Variants in KIF21A observed in about 807,000 individuals in gnomAD.
KIF21A encodes kinesin family member 21A, also known as kinesin-like protein KIF21A.
KIF21A carries 114 observed loss-of-function variants against 202.9 expected under a neutral mutation model. The ratio of observed to expected loss-of-function variants is 0.56; its 90% CI spans 0.48 to 0.66. The LOEUF is 0.66. Ranked by LOEUF, KIF21A falls within the 30% of genes least tolerant of loss-of-function variation. The pLI is 0.00. For synonymous variants in KIF21A, 667 were observed against 670.8 expected, an observed-to-expected ratio of 0.99 and a Z score of 0.09; for missense variants, 1,677 against 1,994.9, an observed-to-expected ratio of 0.84 and a Z score of 3.04.
At chr12:39,301,364 T>A in intron 37 of KIF21A, 116 bp downstream of exon 37, 1 of 907,354 alleles carries the variant, frequency 1.1e-6, no homozygotes, top group African/African-American at 1.7e-5. Flanking sequence ...AAAACAGACA[T>A]TAGAATGATT....
intron 1 of KIF21A, among the ~76,000 whole-genome samples, chr12:39,433,287 C>T (rs1938212211): frequency 6.6e-6 from 1 of 152,060 alleles, no homozygotes; most frequent in Admixed American, 6.6e-5. Context: ...AAAATGCCTT[C>T]AGGCAAGTCT....
intron 1 of KIF21A, among the ~76,000 whole-genome samples, chr12:39,403,219 C>T (rs1039292351): frequency 1.8e-4 from 27 of 152,240 alleles, no homozygotes; most frequent in African/African-American, 6.5e-4. Flanking sequence ...ATGCAAAACA[C>T]TAGGCTAGGC....
Position 39,322,876 on chromosome 12 carries a change from T to C in KIF21A, c.3463A>G (p.Arg1155Gly), listed in dbSNP as rs1945431009. 6.2e-7 allele frequency: 1 copy of C among 1,601,644 alleles called. No individual in the cohort carries two copies. The highest frequency in any genetic ancestry group is 1.3e-5 in the African/African-American group (1 of 74,638). The part of the protein sequence containing the change: ...GEVKPKNKAR[R>G]RTTTQMELLY... ...AATTCCATCTGAGTGGTGGTTCTCC[T>C]TCGGGCCTAGTCAAAGAATGGAAGG... The change falls in exon 27 of 38, where the codon AGG (arginine) becomes GGG (glycine). Residue 1155 changes from arginine (R) to glycine (G), a missense_variant. Around this residue, in one of 3 missense-constraint regions of KIF21A, gnomAD observed 705 missense variants for 791.9 expected, o/e 0.89. Transcript: ENST00000361418.
At chr12:39,382,713 T>C (rs918423428) in intron 1 of KIF21A, among the ~76,000 whole-genome samples, 1 of 152,150 alleles carries the variant, frequency 6.6e-6, no homozygotes, top group Admixed American at 6.5e-5. Context: ...TACAAATAGA[T>C]TTTTTGTATT....
intron 1 of KIF21A, among the ~76,000 whole-genome samples, chr12:39,375,253 C>T (rs1950198682): frequency 6.6e-6 from 1 of 152,128 alleles, no homozygotes; most frequent in Admixed American, 6.5e-5. Flanking sequence ...GGGGGAAAGG[C>T]TTATACTTGC....
At chr12:39,418,814 C>G (rs1953998361) in intron 1 of KIF21A, among the ~76,000 whole-genome samples, 1 of 152,196 alleles carries the variant, frequency 6.6e-6, no homozygotes, top group African/African-American at 2.4e-5. Flanking sequence ...GTGCAGCCCC[C>G]AGAACATGTT....
At chr12:39,320,889 C>G (rs1043053833) in intron 27 of KIF21A, among the ~76,000 whole-genome samples, 2 of 118,974 alleles carry the variant, frequency 1.7e-5, no homozygotes, top group Non-Finnish European at 3.2e-5. Context: ...GAGCCAAGAT[C>G]ACATCACTGC....
Position 39,370,408 on chromosome 12 carries a change from T to C in KIF21A, c.45-147A>G, listed in dbSNP as rs186525385. ...TATTCAGTTGAAAAGTTTAAATAAATTGAATTATAATGAATCAATTTCAGT... is the reference window on the plus strand; with the variant it reads ...TATTCAGTTGAAAAGTTTAAATAAACTGAATTATAATGAATCAATTTCAGT... On this transcript the variant is annotated intron_variant, in intron 1 of 37. Transcript: ENST00000361418. The C allele has an allele frequency of 2.7e-3, 1,735 of 645,208 alleles. 9 individuals carry two copies. Among genetic ancestry groups the C allele is most frequent in the Middle Eastern group, 7.4e-3 (18 of 2,444 alleles). The allele number at this position is 645,208 out of a possible 1,614,324, so 40.0% of individuals were successfully genotyped here.
At position 39,332,384 on chromosome 12, in the gene KIF21A, G is replaced by A. The variant is rs142292357; in HGVS notation, c.2881C>T (p.Arg961Ter). 24 of 1,613,310 alleles carry A rather than the reference G, an allele frequency of 1.5e-5. No homozygotes were observed. The highest frequency in any genetic ancestry group is 1.9e-5 in the Non-Finnish European group (23 of 1,179,826). The change falls in exon 21 of 38, where the codon CGA becomes TGA. Residue 961 changes from arginine to a stop codon, truncating the protein, a stop_gained. Transcript: ENST00000361418. LOFTEE classifies it high-confidence loss of function. The part of the protein sequence containing the change: ...LKQREELTKR[R>*]EKLSKRREKI... ...TCCCTTCTTTTTGAAAGTTTCTCTC[G>A]TCTTTTTGTGAGTTCCTCCCGTTGC...
intron 1 of KIF21A, among the ~76,000 whole-genome samples, chr12:39,432,638 C>T (rs992245776): frequency 2.0e-5 from 3 of 151,202 alleles, no homozygotes; most frequent in South Asian, 2.1e-4. Context: ...TTTAACAGAG[C>T]CTGGCTCTAT....
intron 1 of KIF21A, among the ~76,000 whole-genome samples, chr12:39,389,179 T>TACATAC (rs1555186623): frequency 7.0e-6 from 1 of 142,088 alleles, no homozygotes; most frequent in Non-Finnish European, 1.6e-5. Context: ...TAAATACACA[T>TACATAC]ACACACACAC....
intron 1 of KIF21A, among the ~76,000 whole-genome samples, chr12:39,441,657 T>C (rs1434928269): frequency 1.2e-3 from 2 of 1,658 alleles, no homozygotes; most frequent in African/African-American, 5.4e-3. Flanking sequence ...CCTCCCTGGG[T>C]GGTAAAAAAA....
At chr12:39,417,191 A>G (rs1953833522) in intron 1 of KIF21A, among the ~76,000 whole-genome samples, 1 of 152,176 alleles carries the variant, frequency 6.6e-6, no homozygotes, top group Non-Finnish European at 1.5e-5. Context: ...TGTAAAATGT[A>G]TCAGAAGACA....
Position 39,340,886 on chromosome 12 carries a change from G to A in KIF21A, c.2110+20C>T. ...GAAGATTTAGCTTGAACTTTCATTT[G>A]AATTAAATATAATTCTTACCTAAGT... is the stretch of plus-strand genomic sequence containing the variant. On this transcript the variant is annotated intron_variant, in intron 15 of 37. Coordinates refer to ENST00000361418, the MANE Select transcript of KIF21A (RefSeq NM_001173464.2). 2 of 1,552,938 alleles carry A rather than the reference G, an allele frequency of 1.3e-6. No homozygotes were observed. The highest frequency in any genetic ancestry group is 1.8e-6 in the Non-Finnish European group (2 of 1,126,538).
At position 39,319,979 on chromosome 12, in the gene KIF21A, G is replaced by T; in HGVS notation, c.3706C>A (p.Pro1236Thr). 6.2e-7 allele frequency: 1 copy of T among 1,607,872 alleles called. No individual in the cohort carries two copies. The highest frequency in any genetic ancestry group is 1.1e-5 in the South Asian group (1 of 90,450). ...CTCCTTGTTACAGGAGAAGGCTCTG[G>T]AATTTTTTTTTCTGATAGAGATGAC... Reference protein sequence around the residue: ...RQSSLSEKKIPEPSPVTRRKA... With the variant: ...RQSSLSEKKITEPSPVTRRKA... Residue 1236 changes from proline (P) to threonine (T), a missense_variant, in exon 28 of 38, where the codon CCA becomes ACA. By Grantham distance (38) the Pro-to-Thr change is conservative. Around this residue, in one of 3 missense-constraint regions of KIF21A, gnomAD observed 705 missense variants for 791.9 expected, o/e 0.89. Coordinates refer to ENST00000361418, the MANE Select transcript of KIF21A (RefSeq NM_001173464.2).
intron 7 of KIF21A, among the ~76,000 whole-genome samples, chr12:39,362,278 C>G (rs978082732): frequency 1.3e-5 from 2 of 152,116 alleles, no homozygotes; most frequent in Non-Finnish European, 2.9e-5. Context: ...CGAACTAACA[C>G]AGTTGTTCAA....
At chr12:39,330,712 C>T in intron 23 of KIF21A, 34 bp downstream of exon 23, 1 of 1,606,390 alleles carries the variant, frequency 6.2e-7, no homozygotes, top group South Asian at 1.1e-5. Flanking sequence ...AGCTACCATG[C>T]AAATTCATTC....
chr12:39,415,998 C>G (rs1378502098), intron 1 of KIF21A, among the ~76,000 whole-genome samples: 1 of 152,090 alleles, frequency 6.6e-6, no homozygotes, highest in East Asian at 1.9e-4. Flanking sequence ...GTAAACGAAG[C>G]TGGTAACTAA....
intron 1 of KIF21A, among the ~76,000 whole-genome samples, chr12:39,411,066 C>A (rs1047476842): frequency 6.6e-6 from 1 of 152,234 alleles, no homozygotes; most frequent in Non-Finnish European, 1.5e-5. Context: ...CTAACTTAAA[C>A]CTTGCCTTTG....
Sources: gnomAD v4.1 joint callset for allele counts (sites outside exome capture counted in the v4.1 genomes callset) on GRCh38, gnomAD v4.1.1 for gene constraint, gnomAD v4.1.1 regional missense constraint, MANE v1.5 for transcripts, NCBI Gene and HGNC (gene_info 2026-07-23, HGNC 2026-07-21) for gene names.